The following NOVA1 variants were observed in gnomAD, a reference collection of about 807,000 sequenced individuals.
NOVA1 encodes RNA-binding protein Nova-1.
In NOVA1, 7 loss-of-function variants were observed where a neutral mutation model predicts 38.0. That is an observed-to-expected ratio of 0.18 (90% CI 0.10 to 0.35). The LOEUF is 0.35. Ranked by LOEUF, NOVA1 falls within the 10% of genes least tolerant of loss-of-function variation. The pLI is 1.00. For synonymous variants in NOVA1, 270 were observed against 232.5 expected (o/e 1.16, Z -1.47); for missense variants, 460 against 616.0 (o/e 0.75, Z 2.68).
chr14:26,482,716 G>A (rs899583299), intron 2 of NOVA1, among the ~76,000 whole-genome samples: 1 of 151,970 alleles, frequency 6.6e-6, no homozygotes, highest in African/African-American at 2.4e-5. Context: ...TAATTTTTTT[G>A]AGACAGAGTC....
intron 2 of NOVA1, among the ~76,000 whole-genome samples, chr14:26,516,460 T>C (rs1254792009): frequency 1.3e-5 from 2 of 152,166 alleles, no homozygotes; most frequent in Non-Finnish European, 2.9e-5. Context: ...ATATTCTATG[T>C]GGTTTTTCTT....
intron 2 of NOVA1, among the ~76,000 whole-genome samples, chr14:26,546,330 A>C (rs1014915046): frequency 6.6e-6 from 1 of 152,136 alleles, no homozygotes; most frequent in Non-Finnish European, 1.5e-5. Context: ...CTTACAGTAA[A>C]ACATCTGAAG....
intron 2 of NOVA1, among the ~76,000 whole-genome samples, chr14:26,485,389 A>ATT (rs1408793209): frequency 2.0e-5 from 3 of 152,184 alleles, no homozygotes; most frequent in Non-Finnish European, 4.4e-5. Context: ...AAAAACTATA[A>ATT]TAAGTTATAA....
intron 2 of NOVA1, among the ~76,000 whole-genome samples, chr14:26,555,296 T>C (rs1891409655): frequency 6.6e-6 from 1 of 152,102 alleles, no homozygotes; most frequent in Non-Finnish European, 1.5e-5. Flanking sequence ...CAATTCCTTT[T>C]AAATAAATTA....
chr14:26,595,372 G>C, intron 2 of NOVA1, 38 bp downstream of exon 2: 1 of 1,593,146 alleles, frequency 6.3e-7, no homozygotes, highest in Non-Finnish European at 8.6e-7. Flanking sequence ...CTTTCCTGTG[G>C]GGAGCTCATC....
At chr14:26,458,299 T>G (rs1883346441) in intron 4 of NOVA1, among the ~76,000 whole-genome samples, 1 of 152,110 alleles carries the variant, frequency 6.6e-6, no homozygotes, top group Non-Finnish European at 1.5e-5. Context: ...ACAGAGCTAC[T>G]ATTTGACCCA....
intron 2 of NOVA1, among the ~76,000 whole-genome samples, chr14:26,503,778 T>C (rs178193): frequency 0.63 from 96,118 of 151,940 alleles, 32,963 homozygotes; most frequent in Non-Finnish European, 0.75. Flanking sequence ...TGATTCATCA[T>C]GATAAACCAA....
At chr14:26,542,073 G>C (rs1258518015) in intron 2 of NOVA1, among the ~76,000 whole-genome samples, 1 of 151,806 alleles carries the variant, frequency 6.6e-6, no homozygotes, top group Non-Finnish European at 1.5e-5. Context: ...AATGTCACCA[G>C]TCATATTGGT....
In NOVA1 at chr14:26,447,914, G is replaced by T. The variant is rs761618403; in HGVS notation, c.*45C>A. The T allele has an allele frequency of 2.7e-6, 4 of 1,474,960 alleles. No homozygotes were observed. Among genetic ancestry groups the T allele is most frequent in the Non-Finnish European group, 3.8e-6 (4 of 1,058,614 alleles). 91.4% of individuals were successfully genotyped at this position (1,474,960 alleles called of 1,614,324 possible). ...AGTACAGTACATCCTTCTTGAAAAT[G>T]GGGTAAAGGAGGGGTTAAAACAATC... On this transcript the variant is annotated 3_prime_UTR_variant, in exon 5 of 5. Transcript: ENST00000539517.
At chr14:26,483,699 T>C (rs955526786) in intron 2 of NOVA1, among the ~76,000 whole-genome samples, 3 of 152,138 alleles carry the variant, frequency 2.0e-5, no homozygotes, top group Admixed American at 2.0e-4. Flanking sequence ...TTTAGCACTA[T>C]AGATTAATAC....
chr14:26,448,626 G>A lies in NOVA1; in HGVS notation c.857C>T (p.Ala286Val). Reference protein sequence around the residue: ...AEVLPTAAAAAGLLGHANLAG... With the variant: ...AEVLPTAAAAVGLLGHANLAG... ...AAGGTTAGCATGTCCTAATAGCCCT[G>A]CAGCTGCTGCAGCAGTTGGTAACAC... is the stretch of plus-strand genomic sequence containing the variant. Residue 286 changes from alanine (A) to valine (V), a missense_variant, in exon 5 of 5, where the codon GCA becomes GTA. Ala to Val is a moderately conservative substitution (Grantham distance 64, BLOSUM62 0). Transcript: ENST00000539517. The surrounding 1 kb of genome is among the most constrained non-coding windows in gnomAD (Gnocchi z 5.3). 6.2e-7 allele frequency: 1 copy of A among 1,614,232 alleles called. No individual in the cohort carries two copies. The highest frequency in any genetic ancestry group is 2.2e-5 in the East Asian group (1 of 44,884).
Position 26,448,984 on chromosome 14 carries a change from T to C in NOVA1, c.520-21A>G, listed in dbSNP as rs776915475. On this transcript the variant is annotated intron_variant, in intron 4 of 4. Coordinates refer to ENST00000539517, the MANE Select transcript of NOVA1 (RefSeq NM_002515.3). The surrounding 1 kb of genome is among the most constrained non-coding windows in gnomAD (Gnocchi z 5.3). ...TTTACCTGTAATTAAAAAAAATACG[T>C]ATAAATAATACTTCTGTTTTGTGCA... 1.1e-5 allele frequency: 17 copies of C among 1,575,096 alleles called. No homozygotes were observed. The highest frequency in any genetic ancestry group is 1.9e-5 in the Admixed American group (1 of 53,896).
At chr14:26,561,549 G>A (rs1259129722) in intron 2 of NOVA1, among the ~76,000 whole-genome samples, 1 of 151,806 alleles carries the variant, frequency 6.6e-6, no homozygotes, top group Non-Finnish European at 1.5e-5. Flanking sequence ...TCCTCAGCAG[G>A]AAGGCAATAG....
At chr14:26,592,559 T>C (rs1249717869) in intron 2 of NOVA1, among the ~76,000 whole-genome samples, 1 of 151,550 alleles carries the variant, frequency 6.6e-6, no homozygotes, top group Non-Finnish European at 1.5e-5. Context: ...CATTTTACAA[T>C]TCCTCATCAC....
intron 4 of NOVA1, among the ~76,000 whole-genome samples, chr14:26,468,307 G>A (rs1204123257): frequency 5.6e-5 from 1 of 17,768 alleles, no homozygotes; most frequent in Admixed American, 1.2e-3. Flanking sequence ...CAGTCAAACA[G>A]GTTAAAAAAA....
intron 2 of NOVA1, among the ~76,000 whole-genome samples, chr14:26,510,641 T>A (rs1888004608): frequency 1.3e-5 from 2 of 151,642 alleles, no homozygotes; most frequent in Admixed American, 6.6e-5. Context: ...AAACGAAGAG[T>A]CATGGTAGAG....
At chr14:26,551,389 C>G (rs568295320) in intron 2 of NOVA1, among the ~76,000 whole-genome samples, 6 of 152,068 alleles carry the variant, frequency 3.9e-5, no homozygotes, top group Non-Finnish European at 8.8e-5. Flanking sequence ...AGAGCTACCT[C>G]AAATAACTTT....
chr14:26,533,826 C>T (rs1282833180), intron 2 of NOVA1, among the ~76,000 whole-genome samples: 1 of 152,062 alleles, frequency 6.6e-6, no homozygotes, highest in Non-Finnish European at 1.5e-5. Context: ...ACAAATAGTC[C>T]TGTAAAATCT....
At chr14:26,591,814 G>GT (rs200197659) in intron 2 of NOVA1, among the ~76,000 whole-genome samples, 2,971 of 150,526 alleles carry the variant, frequency 0.02, 44 homozygotes, top group Non-Finnish European at 0.032. Context: ...AATGGTTTGT[G>GT]TTTTTTTTAA....
Sources: allele counts gnomAD v4.1 joint callset (sites outside exome capture counted in the v4.1 genomes callset), GRCh38; gene constraint gnomAD v4.1.1; non-coding constraint Gnocchi (gnomAD v3.1); transcripts MANE v1.5; gene names NCBI Gene and HGNC (gene_info 2026-07-23, HGNC 2026-07-21).